Variants in BTN2A1 observed in about 807,000 individuals in gnomAD.
BTN2A1 encodes the protein butyrophilin, subfamily 2, member A1.
A neutral mutation model predicts 34.5 loss-of-function variants in BTN2A1; 41 were observed. The ratio of observed to expected loss-of-function variants is 1.19; its 90% CI spans 0.93 to 1.54. The LOEUF (loss-of-function observed/expected upper bound fraction) is 1.54, where lower values mean the gene tolerates loss of function less well. BTN2A1 is among the 40% of genes most tolerant of loss of function. The pLI, the probability that BTN2A1 is intolerant of heterozygous loss-of-function variation, is 0.00. For missense variants in BTN2A1, 642 were observed against 662.0 expected (o/e 0.97, Z 0.33); for synonymous variants, 267 against 258.6 (o/e 1.03, Z -0.31).
chr6:26,467,715 T>G, intron 7 of BTN2A1: 1 of 1,590,094 alleles, frequency 6.3e-7, no homozygotes. Context: ...TCCGGATTTC[T>G]TAGAGCTCCA....
chr6:26,465,108 C>A, intron 4 of BTN2A1, 77 bp from the exon 5 acceptor site: 1 of 1,247,040 alleles, frequency 8.0e-7, no homozygotes, highest in Non-Finnish European at 1.2e-6. Context: ...AGGAGCTCTT[C>A]AAGTGTGCTC....
At chr6:26,476,025 TGAAA>T in intron 7 of BTN2A1, 1 of 1,006,122 alleles carries the variant, frequency 9.9e-7, no homozygotes, top group Admixed American at 2.0e-5. Flanking sequence ...TTATTATAGT[TGAAA>T]GATTTTTTTT....
At chr6:26,458,333 T>G (rs1581664836) in intron 1 of BTN2A1, among the ~76,000 whole-genome samples, 191 bp downstream of exon 1, 1 of 151,318 alleles carries the variant, frequency 6.6e-6, no homozygotes, top group Non-Finnish European at 1.5e-5. Context: ...GGGAGGAGGG[T>G]GTGGTAGAAT....
downstream of BTN2A1, among the ~76,000 whole-genome samples, chr6:26,471,642 AAGAG>A (rs796779016): frequency 6.0e-5 from 9 of 150,154 alleles, no homozygotes; most frequent in Non-Finnish European, 1.0e-4. Flanking sequence ...CAAAAAAGAA[AAGAG>A]AGAGAAGGAA....
At chr6:26,466,716 A>G (rs1763325653) in intron 7 of BTN2A1, among the ~76,000 whole-genome samples, 2 of 152,346 alleles carry the variant, frequency 1.3e-5, no homozygotes, top group South Asian at 4.1e-4. Flanking sequence ...ACAGAATCCA[A>G]GCTTTACCAG....
At position 26,468,729 on chromosome 6, in the gene BTN2A1, CTG is replaced by C; in HGVS notation, c.*184_*185del. On this transcript the variant is annotated 3_prime_UTR_variant, in exon 8 of 8. Coordinates refer to ENST00000312541, the MANE Select transcript of BTN2A1 (RefSeq NM_007049.5). The stretch of plus-strand genomic sequence containing the variant: ...CCCCAGTTTTCTCCTCCTCACTAGG[CTG>C]TGTTTTTAGTAGTTCCTTTGCTTGT... 2 of 1,612,386 alleles carry C rather than the reference CTG, an allele frequency of 1.2e-6. No homozygotes were observed. Among genetic ancestry groups the C allele is most frequent in the Non-Finnish European group, 1.7e-6 (2 of 1,179,426 alleles).
downstream of BTN2A1, among the ~76,000 whole-genome samples, chr6:26,473,181 T>C (rs1763480208): frequency 6.6e-6 from 1 of 152,140 alleles, no homozygotes; most frequent in African/African-American, 2.4e-5. Flanking sequence ...GACCCATTGC[T>C]ACCTGCCTAG....
At chr6:26,470,083 C>T (rs995209761), downstream of BTN2A1, among the ~76,000 whole-genome samples, 19 of 152,174 alleles carry the variant, frequency 1.2e-4, no homozygotes, top group African/African-American at 4.6e-4. Context: ...CACGGTGGCT[C>T]ACGCCTGTAA....
rs1763410586 is a variant in BTN2A1, at chr6:26,469,425, T to A, written c.*876T>A. The A allele has an allele frequency of 2.5e-6, 2 of 804,010 alleles. No individual in the cohort carries two copies. The highest frequency in any genetic ancestry group is 3.0e-6 in the Non-Finnish European group (2 of 664,696). The allele number at this position is 804,010 out of a possible 1,614,324, so 49.8% of individuals were successfully genotyped here. On this transcript the variant is annotated 3_prime_UTR_variant, in exon 8 of 8. Transcript: ENST00000312541. ...AGTTTTTGTTTATTTGGGTTAATAT[T>A]TGTTGGTATTTATGGCATTTGAGAT...
Position 26,459,641 on chromosome 6 carries a change from C to A in BTN2A1, c.243C>A (p.Gly81=). The A allele has an allele frequency of 6.2e-7, 1 of 1,614,036 alleles. No homozygotes were observed. Among genetic ancestry groups the A allele is most frequent in the Non-Finnish European group, 8.5e-7 (1 of 1,179,980 alleles). Residue 81 remains glycine (G), a synonymous_variant, in exon 3 of 8, where the codon GGC becomes GGA. Coordinates refer to ENST00000312541, the MANE Select transcript of BTN2A1 (RefSeq NM_007049.5). ...FSPAVFVYKG[G]RERTEEQMEE... ...CCGCAGTGTTTGTGTATAAAGGTGG[C>A]AGAGAGAGAACAGAGGAGCAGATGG...
At chr6:26,467,615 G>A in intron 7 of BTN2A1, 5 of 1,285,340 alleles carry the variant, frequency 3.9e-6, no homozygotes, top group Non-Finnish European at 5.3e-6. Flanking sequence ...CCTGGCCAGA[G>A]ATCATATGTC....
chr6:26,465,128 C>T (rs116493718), intron 4 of BTN2A1, 57 bp from the exon 5 acceptor site: 953 of 1,497,810 alleles, frequency 6.4e-4, no homozygotes, highest in Non-Finnish European at 6.1e-4. Context: ...CCTAGGGGCA[C>T]TCTTACCCCA....
chr6:26,459,809 C>T lies in BTN2A1; in HGVS notation c.411C>T (p.Ile137=), dbSNP rs1237738976. The change falls in exon 3 of 8, where the codon ATC becomes ATT. Residue 137 remains isoleucine, a synonymous_variant. Coordinates refer to ENST00000312541, the MANE Select transcript of BTN2A1 (RefSeq NM_007049.5). ...AAGGCAGGTCCTACGATGAGGCCATCCTGCACCTCGTAGTGGCAGGTGCGT... is the reference window on the plus strand; with the variant it reads ...AAGGCAGGTCCTACGATGAGGCCATTCTGCACCTCGTAGTGGCAGGTGCGT... The part of the protein sequence containing the change: ...FQEGRSYDEA[I]LHLVVAGLGS... The T allele has an allele frequency of 6.2e-7, 1 of 1,613,204 alleles. No homozygotes were observed. Among genetic ancestry groups the T allele is most frequent in the South Asian group, 1.1e-5 (1 of 91,072 alleles).
chr6:26,458,057 C>T lies in BTN2A1; in HGVS notation c.-116C>T, dbSNP rs1045781309. 6.5e-6 allele frequency: 1 copy of T among 153,924 alleles called. No homozygotes were observed. Among genetic ancestry groups the T allele is most frequent in the African/African-American group, 2.4e-5 (1 of 41,432 alleles). The allele number at this position is 153,924 out of a possible 1,614,324, so 9.5% of individuals were successfully genotyped here. On this transcript the variant is annotated 5_prime_UTR_variant, in exon 1 of 8. Coordinates refer to ENST00000312541, the MANE Select transcript of BTN2A1 (RefSeq NM_007049.5). Reference sequence around the variant, plus strand: ...GTTTGTGTCTAGTAGTGCCTGTGCCCCTGGGCAGATTGGAGAGAAGAGGGA... The same window carrying T: ...GTTTGTGTCTAGTAGTGCCTGTGCCTCTGGGCAGATTGGAGAGAAGAGGGA...
At chr6:26,471,790 A>G (rs1227067366), downstream of BTN2A1, among the ~76,000 whole-genome samples, 4 of 152,200 alleles carry the variant, frequency 2.6e-5, no homozygotes, top group Non-Finnish European at 5.9e-5. Context: ...AGTTGTGGAT[A>G]CATTAAGGTT....
chr6:26,461,246 T>C (rs1035672960), intron 3 of BTN2A1, among the ~76,000 whole-genome samples: 1 of 152,208 alleles, frequency 6.6e-6, no homozygotes, highest in Admixed American at 6.5e-5. Flanking sequence ...AAACTGACAG[T>C]GGCCTGGCCT....
At chr6:26,471,632 CAAAA>C (rs928702341), downstream of BTN2A1, among the ~76,000 whole-genome samples, 1 of 149,048 alleles carries the variant, frequency 6.7e-6, no homozygotes, top group Non-Finnish European at 1.5e-5. Context: ...GTGAGACTCT[CAAAA>C]AAGAAAAGAG....
intron 5 of BTN2A1, 193 bp from the exon 6 acceptor site, chr6:26,465,760 G>C (rs1763294768): frequency 8.4e-6 from 8 of 948,578 alleles, no homozygotes; most frequent in Non-Finnish European, 8.8e-6. Flanking sequence ...TTGAGCAAAA[G>C]CAAGTGTAAC....
chr6:26,466,646 T>C (rs961510297), intron 7 of BTN2A1, among the ~76,000 whole-genome samples: 5 of 152,148 alleles, frequency 3.3e-5, no homozygotes, highest in African/African-American at 9.7e-5. Context: ...CAGAACCCAA[T>C]TGCCCACTCC....
Sources: gnomAD v4.1 joint callset for allele counts (sites outside exome capture counted in the v4.1 genomes callset) on GRCh38, gnomAD v4.1.1 for gene constraint, MANE v1.5 for transcripts, NCBI Gene and HGNC (gene_info 2026-07-23, HGNC 2026-07-21) for gene names.